The following RBFOX1 variants were observed in gnomAD, a reference collection of about 807,000 sequenced individuals.
RBFOX1 encodes RNA binding protein fox-1 homolog 1.
Under a neutral mutation model 57.7 loss-of-function variants are expected in RBFOX1, and 8 were observed. The ratio of observed to expected loss-of-function variants is 0.14; its 90% CI spans 0.08 to 0.25. The LOEUF (loss-of-function observed/expected upper bound fraction) is 0.25. Among genes scored for constraint, RBFOX1 ranks in the 10% least tolerant of loss-of-function variants. RBFOX1 has a pLI of 1.00. For synonymous variants in RBFOX1, 326 were observed against 222.4 expected (o/e 1.47, Z -4.15); for missense variants, 611 against 548.5 (o/e 1.11, Z -1.14).
chr16:6,494,744 A>G (rs1447657641), intron 2 of RBFOX1, among the ~76,000 whole-genome samples: 1 of 152,236 alleles, frequency 6.6e-6, no homozygotes, highest in Non-Finnish European at 1.5e-5. Context: ...GAACACATCA[A>G]TATGTTGCAC....
intron 2 of RBFOX1, among the ~76,000 whole-genome samples, chr16:6,588,741 T>A (rs891231017): frequency 6.6e-6 from 1 of 152,190 alleles, no homozygotes; most frequent in Admixed American, 6.5e-5. Context: ...GACCATTTTC[T>A]TGTAGAACAT....
intron 2 of RBFOX1, among the ~76,000 whole-genome samples, chr16:5,527,808 T>C (rs1329218974): frequency 6.6e-6 from 1 of 152,196 alleles, no homozygotes; most frequent in Non-Finnish European, 1.5e-5. Flanking sequence ...CAACCCATCA[T>C]TGTGGACCTT....
intron 2 of RBFOX1, among the ~76,000 whole-genome samples, chr16:6,612,457 G>T (rs1420587212): frequency 6.6e-6 from 1 of 152,178 alleles, no homozygotes; most frequent in East Asian, 1.9e-4. Context: ...ACTTATTTAA[G>T]TTTCACGTGT....
chr16:6,734,230 C>T (rs1246229972), intron 3 of RBFOX1, among the ~76,000 whole-genome samples: 1 of 152,124 alleles, frequency 6.6e-6, no homozygotes, highest in Non-Finnish European at 1.5e-5. Flanking sequence ...ACCCCTCTGT[C>T]CAACTCCCAT....
intron 3 of RBFOX1, among the ~76,000 whole-genome samples, chr16:7,001,306 C>G (rs1019082641): frequency 3.9e-5 from 6 of 151,900 alleles, no homozygotes; most frequent in African/African-American, 1.2e-4. Flanking sequence ...ACAAGGTGTT[C>G]CTGGTCAACT....
chr16:5,288,114 C>A (rs1214183250), intron 1 of RBFOX1, among the ~76,000 whole-genome samples: 1 of 152,194 alleles, frequency 6.6e-6, no homozygotes, highest in South Asian at 2.1e-4. Flanking sequence ...CTTTGTCCTG[C>A]GTCCCCAAGG....
intron 4 of RBFOX1, among the ~76,000 whole-genome samples, chr16:7,227,298 A>C (rs7499618): frequency 0.29 from 19,267 of 66,706 alleles, 3,023 homozygotes; most frequent in East Asian, 0.64. Context: ...CCACCCCCAC[A>C]CACACACACA....
At chr16:5,763,026 A>C (rs1486595210) in intron 3 of RBFOX1, among the ~76,000 whole-genome samples, 1 of 152,172 alleles carries the variant, frequency 6.6e-6, no homozygotes, top group East Asian at 1.9e-4. Flanking sequence ...TACTGTTTGC[A>C]CATATCTGTT....
intron 1 of RBFOX1, among the ~76,000 whole-genome samples, chr16:5,337,905 A>C (rs904104164): frequency 6.6e-5 from 10 of 152,098 alleles, no homozygotes; most frequent in South Asian, 2.1e-4. Flanking sequence ...TTAGCTGGAC[A>C]TGGTGGTGCA....
chr16:5,241,431 C>A (rs1452140592), intron 1 of RBFOX1, among the ~76,000 whole-genome samples: 1 of 152,234 alleles, frequency 6.6e-6, no homozygotes, highest in Non-Finnish European at 1.5e-5. Flanking sequence ...CCCTCTACCT[C>A]CCTCTTTTAC....
chr16:7,624,827 G>A (rs1245965922), intron 10 of RBFOX1, among the ~76,000 whole-genome samples: 1 of 152,194 alleles, frequency 6.6e-6, no homozygotes, highest in Non-Finnish European at 1.5e-5. Flanking sequence ...GTTTGTTGAG[G>A]TGATACGGTT....
intron 2 of RBFOX1, among the ~76,000 whole-genome samples, chr16:6,540,946 G>C (rs1042215319): frequency 6.6e-6 from 1 of 152,138 alleles, no homozygotes; most frequent in African/African-American, 2.4e-5. Context: ...TCTGCTATCA[G>C]AGGAAATTCC....
chr16:6,692,148 C>G (rs1177549086), intron 3 of RBFOX1, among the ~76,000 whole-genome samples: 1 of 152,198 alleles, frequency 6.6e-6, no homozygotes, highest in Non-Finnish European at 1.5e-5. Context: ...GTAACATATT[C>G]TCCTATTTTA....
At chr16:7,112,052 G>T (rs2064886796) in intron 4 of RBFOX1, among the ~76,000 whole-genome samples, 2 of 152,130 alleles carry the variant, frequency 1.3e-5, no homozygotes, top group South Asian at 4.1e-4. Flanking sequence ...GGAGGTAAGT[G>T]TGTGTGTGAG....
intron 3 of RBFOX1, among the ~76,000 whole-genome samples, chr16:6,946,083 T>G (rs1398027508): frequency 6.6e-6 from 1 of 152,212 alleles, no homozygotes; most frequent in African/African-American, 2.4e-5. Context: ...CCAGCAACCT[T>G]CAATGGGTAA....
chr16:7,114,384 C>T (rs1229644479), intron 4 of RBFOX1, among the ~76,000 whole-genome samples: 2 of 152,080 alleles, frequency 1.3e-5, no homozygotes, highest in African/African-American at 4.8e-5. Flanking sequence ...AATTTATACC[C>T]CTGGGAAGGA....
At chr16:5,818,161 A>G (rs1275771190) in intron 3 of RBFOX1, among the ~76,000 whole-genome samples, 2 of 152,138 alleles carry the variant, frequency 1.3e-5, no homozygotes, top group Admixed American at 6.5e-5. Context: ...ATTGTTACCA[A>G]TCATTGAGCA....
rs753432377 is a variant in RBFOX1, at chr16:6,908,309, C to A, written c.-15-143748C>A. On this transcript the variant is annotated intron_variant, in intron 3 of 15. Coordinates refer to ENST00000550418, the MANE Select transcript of RBFOX1 (RefSeq NM_018723.4). ...GCAGGCCTGCACCCCCAGCCTCTGA[C>A]CATGGCTTGGGCCTGTCTTGTTCAT... Among the ~76,000 whole-genome samples the A allele has an allele frequency of 9.2e-5, 14 of 151,706 alleles. 1 individual carries two copies. Among genetic ancestry groups the A allele is most frequent in the Non-Finnish European group, 1.6e-4 (11 of 67,750 alleles).
intron 4 of RBFOX1, among the ~76,000 whole-genome samples, chr16:7,093,974 G>T (rs1301832573): frequency 6.6e-6 from 1 of 151,004 alleles, no homozygotes; most frequent in African/African-American, 2.5e-5. Flanking sequence ...AAAACCTGGT[G>T]AGTATTAATA....
Sources: gnomAD v4.1 joint callset for allele counts (sites outside exome capture counted in the v4.1 genomes callset) on GRCh38, gnomAD v4.1.1 for gene constraint, MANE v1.5 for transcripts, NCBI Gene and HGNC (gene_info 2026-07-23, HGNC 2026-07-21) for gene names.